Variants in RSPO4 observed in about 807,000 individuals in gnomAD.
RSPO4 encodes R-spondin-4.
RSPO4 carries 23 observed loss-of-function variants against 24.8 expected under a neutral mutation model. That is an observed-to-expected ratio of 0.93 (90% CI 0.67 to 1.31). The LOEUF (loss-of-function observed/expected upper bound fraction) is 1.31, where lower values mean the gene tolerates loss of function less well. Among genes scored for constraint, RSPO4 ranks in the 40% most tolerant of loss-of-function variants. The pLI is 0.00. For synonymous variants in RSPO4, 141 were observed against 127.4 expected (o/e 1.11, Z -0.72); for missense variants, 333 against 316.5 (o/e 1.05, Z -0.39).
At chr20:975,580 A>T (rs919476096) in intron 1 of RSPO4, among the ~76,000 whole-genome samples, 1 of 152,154 alleles carries the variant, frequency 6.6e-6, no homozygotes, top group African/African-American at 2.4e-5. Flanking sequence ...TGTCCATTTT[A>T]TGGAGAATGA....
intron 1 of RSPO4, among the ~76,000 whole-genome samples, chr20:991,048 G>A (rs927913730): frequency 6.6e-6 from 1 of 152,174 alleles, no homozygotes. Context: ...AATCCCTCGC[G>A]GGAAGGGTGG....
chr20:968,043 G>T lies in RSPO4; in HGVS notation c.175C>A (p.Arg59Ser), dbSNP rs199844911. 12 of 1,614,076 alleles carry T rather than the reference G, an allele frequency of 7.4e-6. No individual in the cohort carries two copies. The highest frequency in any genetic ancestry group is 1.0e-5 in the Non-Finnish European group (12 of 1,180,018). Residue 59 changes from arginine to serine, a missense_variant, in exon 2 of 5, where the codon CGC (arginine) becomes AGC (serine). By Grantham distance (110) the Arg-to-Ser change is moderately radical. Transcript: ENST00000217260. ...CCGTACTGGCGGATGCCTTCCCGGC[G>T]GATGAACAGGAAGAGCCTCTGCTGG... ...TCQQRLFLFI[R>S]REGIRQYGKC...
intron 1 of RSPO4, among the ~76,000 whole-genome samples, chr20:992,777 G>C (rs139641559): frequency 6.6e-6 from 1 of 152,154 alleles, no homozygotes; most frequent in Non-Finnish European, 1.5e-5. Flanking sequence ...GTGGCACCAG[G>C]CCCTTTTAAC....
rs1307297643 is a variant in RSPO4 at position 964,072 on chromosome 20, TTGTG to T, written c.454_457del (p.His152MetfsTer73). ...CCAAGCCGAGCCGCAGGTCTTTCCA[TTGTG>T]TGTGCAGGGGCTCCAGCCGCCCCAG... On this transcript the variant is annotated frameshift_variant, in exon 4 of 5. Coordinates refer to ENST00000217260, the MANE Select transcript of RSPO4 (RefSeq NM_001029871.4). LOFTEE classifies it high-confidence loss of function. The T allele has an allele frequency of 6.2e-7, 1 of 1,613,832 alleles. No homozygotes were observed. Among genetic ancestry groups the T allele is most frequent in the Non-Finnish European group, 8.5e-7 (1 of 1,180,016 alleles).
At chr20:997,920 T>C (rs1192126837) in intron 1 of RSPO4, among the ~76,000 whole-genome samples, 4 of 152,222 alleles carry the variant, frequency 2.6e-5, no homozygotes, top group African/African-American at 7.2e-5. Context: ...GTCCAGGGCA[T>C]GTCTGCTCTG....
At position 1,002,221 on chromosome 20, in the gene RSPO4, C is replaced by T; in HGVS notation, c.-57G>A. ...AGGCGGCCCGACGGCCCAAGGGCCC[C>T]ACGTCCCGGCGGCGGCACGGCGGGC... On this transcript the variant is annotated 5_prime_UTR_variant, in exon 1 of 5. Transcript: ENST00000217260. This position sits in a 1 kb window ranked among gnomAD's most constrained non-coding sequence, Gnocchi z 4.6. 7 of 1,278,586 alleles carry T rather than the reference C, an allele frequency of 5.5e-6. No individual in the cohort carries two copies. The South Asian group carries it at 1.2e-4, about 22-fold the overall frequency. 79.2% of individuals were successfully genotyped at this position (1,278,586 alleles called of 1,614,324 possible). A position where few individuals can be genotyped will look rare whatever the true frequency, so the allele number is the denominator to read the frequency against.
intron 4 of RSPO4, among the ~76,000 whole-genome samples, chr20:963,180 G>A (rs148307962): frequency 6.4e-4 from 97 of 152,294 alleles, no homozygotes; most frequent in Middle Eastern, 6.8e-3. Flanking sequence ...GGGATCCAGC[G>A]TGGGACAGTC....
intron 1 of RSPO4, among the ~76,000 whole-genome samples, chr20:988,249 C>T (rs6140884): frequency 0.079 from 12,003 of 152,226 alleles, 536 homozygotes; most frequent in East Asian, 0.14. Context: ...CTGGATTTTC[C>T]TGGAAGTGAG....
chr20:971,234 A>G (rs182884260), intron 1 of RSPO4, among the ~76,000 whole-genome samples: 31 of 152,290 alleles, frequency 2.0e-4, no homozygotes, highest in Non-Finnish European at 2.6e-4. Context: ...GCTCCTAGAG[A>G]GCTTGTTAGA....
chr20:972,473 G>A (rs759996587), intron 1 of RSPO4, among the ~76,000 whole-genome samples: 2 of 152,162 alleles, frequency 1.3e-5, no homozygotes, highest in African/African-American at 4.8e-5. Flanking sequence ...GGATATGAGC[G>A]GGCATGCCCT....
At chr20:1,001,208 G>A (rs1985452010) in intron 1 of RSPO4, among the ~76,000 whole-genome samples, 1 of 152,166 alleles carries the variant, frequency 6.6e-6, no homozygotes, top group Non-Finnish European at 1.5e-5. Flanking sequence ...GCTGGCATTC[G>A]GCTGCTGATC....
intron 1 of RSPO4, among the ~76,000 whole-genome samples, chr20:999,162 T>C (rs1452845496): frequency 6.6e-6 from 1 of 152,056 alleles, no homozygotes; most frequent in Non-Finnish European, 1.5e-5. Flanking sequence ...TGCCTGGCTA[T>C]TTTTTGTATT....
rs904414938 is a variant in RSPO4, at chr20:981,533, A to G, written c.80-13395T>C. Among the ~76,000 whole-genome samples, 3 of 152,194 alleles carry G rather than the reference A, an allele frequency of 2.0e-5. No homozygotes were observed. The highest frequency in any genetic ancestry group is 1.3e-4 in the Admixed American group (2 of 15,284). On this transcript the variant is annotated intron_variant, in intron 1 of 4. Transcript: ENST00000217260. The surrounding 1 kb of genome is among the most constrained non-coding windows in gnomAD (Gnocchi z 4.6). The stretch of plus-strand genomic sequence containing the variant: ...AGTGAGACGCTGTCTCAAAAAAGAT[A>G]AGATATAAAATAAAATAAAATAAAA...
chr20:974,727 T>G (rs1249324441), intron 1 of RSPO4, among the ~76,000 whole-genome samples: 1 of 152,120 alleles, frequency 6.6e-6, no homozygotes, highest in Non-Finnish European at 1.5e-5. Context: ...TCAGAGCTGG[T>G]GGGTGCCACA....
chr20:998,524 C>T (rs970975759), intron 1 of RSPO4, among the ~76,000 whole-genome samples: 4 of 152,304 alleles, frequency 2.6e-5, no homozygotes, highest in Non-Finnish European at 5.9e-5. Context: ...GACGCAGTGA[C>T]GCCGGAGCCT....
Position 1,002,232 on chromosome 20 carries a change from G to A in RSPO4, c.-68C>T. 5.2e-6 allele frequency: 6 copies of A among 1,153,356 alleles called. No homozygotes were observed. The highest frequency in any genetic ancestry group is 2.1e-5 in the South Asian group (1 of 47,832). The allele number at this position is 1,153,356 out of a possible 1,614,324, so 71.4% of individuals were successfully genotyped here. A position where few individuals can be genotyped will look rare whatever the true frequency, so the allele number is the denominator to read the frequency against. On this transcript the variant is annotated 5_prime_UTR_variant, in exon 1 of 5. Transcript: ENST00000217260. This position sits in a 1 kb window ranked among gnomAD's most constrained non-coding sequence, Gnocchi z 4.6. ...CGGCCCAAGGGCCCCACGTCCCGGCGGCGGCACGGCGGGCGCGGGGGCTGC... is the reference window on the plus strand; with the variant it reads ...CGGCCCAAGGGCCCCACGTCCCGGCAGCGGCACGGCGGGCGCGGGGGCTGC...
intron 1 of RSPO4, among the ~76,000 whole-genome samples, chr20:975,658 C>T (rs369863883): frequency 3.2e-4 from 49 of 152,256 alleles, no homozygotes; most frequent in African/African-American, 1.1e-3. Flanking sequence ...ACTCTGAATG[C>T]GTGCATTAAC....
chr20:987,855 ATAT>A (rs750140722), intron 1 of RSPO4, among the ~76,000 whole-genome samples: 2 of 152,214 alleles, frequency 1.3e-5, no homozygotes, highest in African/African-American at 2.4e-5. Flanking sequence ...CCTTCCACAG[ATAT>A]TTATTGAGGG....
At position 970,463 on chromosome 20, in the gene RSPO4, G is replaced by A. The variant is rs1984372446; in HGVS notation, c.80-2325C>T. Among the ~76,000 whole-genome samples, 3 of 152,114 alleles carry A rather than the reference G, an allele frequency of 2.0e-5. No individual in the cohort carries two copies. On this transcript the variant is annotated intron_variant, in intron 1 of 4. Coordinates refer to ENST00000217260, the MANE Select transcript of RSPO4 (RefSeq NM_001029871.4). This position sits in a 1 kb window ranked among gnomAD's most constrained non-coding sequence, Gnocchi z 4.1. Reference sequence around the variant, plus strand: ...ACACAGTAACTAAAGTGTACCCTGGGATGCTGTTCCCAAGCAAAGTTGGCA... The same window carrying A: ...ACACAGTAACTAAAGTGTACCCTGGAATGCTGTTCCCAAGCAAAGTTGGCA...
Sources: gnomAD v4.1 joint callset for allele counts (sites outside exome capture counted in the v4.1 genomes callset) on GRCh38, gnomAD v4.1.1 for gene constraint, Gnocchi (gnomAD v3.1) non-coding constraint, MANE v1.5 for transcripts, NCBI Gene and HGNC (gene_info 2026-07-23, HGNC 2026-07-21) for gene names.